Variants in HSPA12A observed in about 807,000 individuals in gnomAD.
The protein encoded by HSPA12A is heat shock 70 kDa protein 12A.
In HSPA12A, 28 loss-of-function variants were observed where a neutral mutation model predicts 69.2. The ratio of observed to expected loss-of-function variants is 0.40; its 90% confidence interval spans 0.30 to 0.55. HSPA12A has a LOEUF of 0.55. Ranked by LOEUF, HSPA12A falls within the 20% of genes least tolerant of loss-of-function variation. The pLI is 0.38. For missense variants in HSPA12A, 686 were observed against 900.7 expected (o/e 0.76, Z 3.05); for synonymous variants, 345 against 370.5 (o/e 0.93, Z 0.79).
intron 1 of HSPA12A, among the ~76,000 whole-genome samples, chr10:116,714,584 C>T (rs1487388008): frequency 4.6e-5 from 7 of 152,208 alleles, no homozygotes; most frequent in Non-Finnish European, 8.8e-5. Context: ...GCAGTTAAAG[C>T]CATGACTGCA....
At chr10:116,776,034 C>T (rs924226978) in intron 2 of HSPA12A, among the ~76,000 whole-genome samples, 1 of 152,180 alleles carries the variant, frequency 6.6e-6, no homozygotes, top group African/African-American at 2.4e-5. Context: ...CCCCTCTGGC[C>T]TCCAGTTAAG....
chr10:116,681,028 C>T (rs899528770), intron 9 of HSPA12A, 124 bp downstream of exon 9: 20 of 658,054 alleles, frequency 3.0e-5, no homozygotes, highest in Admixed American at 1.2e-4. Context: ...TATCCTCCAC[C>T]GCCTACGATC....
intron 1 of HSPA12A, among the ~76,000 whole-genome samples, chr10:116,844,885 C>G (rs779231940): frequency 6.6e-6 from 1 of 152,210 alleles, no homozygotes; most frequent in Non-Finnish European, 1.5e-5. Flanking sequence ...TCTTTATTCA[C>G]ATTCATTTAG....
intron 2 of HSPA12A, among the ~76,000 whole-genome samples, chr10:116,763,143 A>G (rs1844007988): frequency 6.6e-6 from 1 of 152,150 alleles, no homozygotes; most frequent in African/African-American, 2.4e-5. Context: ...TGATGGTGAC[A>G]GAGCTGACAG....
chr10:116,716,604 G>C (rs1185914420), intron 1 of HSPA12A, among the ~76,000 whole-genome samples: 1 of 152,230 alleles, frequency 6.6e-6, no homozygotes, highest in African/African-American at 2.4e-5. Flanking sequence ...TGCAGGCCAA[G>C]GGGCATGTCT....
intron 1 of HSPA12A, among the ~76,000 whole-genome samples, chr10:116,726,888 G>A (rs191154010): frequency 1.3e-5 from 2 of 152,262 alleles, no homozygotes; most frequent in East Asian, 1.9e-4. Context: ...ACTAACTAAC[G>A]TGCCGATGAC....
chr10:116,742,012 G>GGGCCACCC (rs556173930), intron 1 of HSPA12A, among the ~76,000 whole-genome samples: 75 of 152,256 alleles, frequency 4.9e-4, no homozygotes, highest in African/African-American at 1.7e-3. Context: ...TTACCCGCTG[G>GGGCCACCC]GGCCACCCGG....
At chr10:116,769,604 C>T (rs1460656543) in intron 2 of HSPA12A, among the ~76,000 whole-genome samples, 2 of 152,204 alleles carry the variant, frequency 1.3e-5, no homozygotes, top group African/African-American at 4.8e-5. Context: ...CGGCCCAGGG[C>T]AGCTGCAGGA....
chr10:116,838,932 T>G (rs1845761084), intron 1 of HSPA12A, among the ~76,000 whole-genome samples: 1 of 152,228 alleles, frequency 6.6e-6, no homozygotes. Flanking sequence ...CCACACACAT[T>G]TCAACCTGAG....
chr10:116,683,167 G>A (rs983170564), intron 7 of HSPA12A, among the ~76,000 whole-genome samples: 1 of 151,872 alleles, frequency 6.6e-6, no homozygotes, highest in African/African-American at 2.4e-5. Context: ...TATAGCCCTC[G>A]ACACACCCAC....
intron 2 of HSPA12A, among the ~76,000 whole-genome samples, chr10:116,772,662 T>C (rs1290756221): frequency 2.0e-5 from 3 of 152,054 alleles, no homozygotes; most frequent in African/African-American, 7.2e-5. Context: ...TTTCTTTTCC[T>C]TTCTATCTTT....
rs55995835 is a variant in HSPA12A, at chr10:116,713,083, TA to T, written c.41-5799del. ...AACGATTGCCTAAAATCAGGCTATT[TA>T]AAAAAAAAAAACCTCTCTCTCTTTC... On this transcript the variant is annotated intron_variant, in intron 1 of 11. Coordinates refer to ENST00000369209, the MANE Select transcript of HSPA12A (RefSeq NM_025015.3). 2.3e-3 allele frequency among the ~76,000 whole-genome samples: 313 copies of T among 136,140 alleles called. 3 individuals carry two copies. The highest frequency in any genetic ancestry group is 2.5e-3 in the African/African-American group (89 of 36,194). 89.3% of individuals were successfully genotyped at this position (136,140 alleles called of 152,430 possible).
chr10:116,726,189 C>T (rs1238677850), intron 1 of HSPA12A, among the ~76,000 whole-genome samples: 4 of 152,040 alleles, frequency 2.6e-5, no homozygotes, highest in Admixed American at 6.6e-5. Context: ...ATCTCACTAC[C>T]GAATATTTAC....
intron 2 of HSPA12A, among the ~76,000 whole-genome samples, chr10:116,764,564 A>G (rs1242030303): frequency 6.6e-6 from 1 of 152,216 alleles, no homozygotes; most frequent in African/African-American, 2.4e-5. Flanking sequence ...TTTTGCAAAA[A>G]CAAACACAAC....
chr10:116,691,164 C>G (rs1258305044), intron 6 of HSPA12A, among the ~76,000 whole-genome samples: 1 of 152,162 alleles, frequency 6.6e-6, no homozygotes, highest in African/African-American at 2.4e-5. Flanking sequence ...ATACACTGAG[C>G]CAGATTCTCA....
rs1554876796 is a variant in HSPA12A at position 116,672,027 on chromosome 10, C to A, written c.*2754G>T. On this transcript the variant is annotated 3_prime_UTR_variant, in exon 12 of 12. Transcript: ENST00000369209. ...CTCCATCACCTATCTGCCAACACTG[C>A]AGATTTCTATCTGCTCATTTAAGAG... 1 of 152,212 alleles carries A rather than the reference C, an allele frequency of 6.6e-6. No individual in the cohort carries two copies. Among genetic ancestry groups the A allele is most frequent in the African/African-American group, 2.4e-5 (1 of 41,442 alleles). 9.4% of individuals were successfully genotyped at this position (152,212 alleles called of 1,614,324 possible).
At chr10:116,837,742 C>G (rs1175340883) in intron 1 of HSPA12A, among the ~76,000 whole-genome samples, 3 of 151,574 alleles carry the variant, frequency 2.0e-5, no homozygotes, top group Non-Finnish European at 4.4e-5. Flanking sequence ...CCAAAATATA[C>G]TGTATATAAT....
chr10:116,737,575 T>C (rs1851353034), intron 1 of HSPA12A, among the ~76,000 whole-genome samples: 1 of 152,160 alleles, frequency 6.6e-6, no homozygotes, highest in African/African-American at 2.4e-5. Flanking sequence ...AAAGATATCA[T>C]TATTACTAAT....
At chr10:116,744,492 C>T (rs527790267), upstream of HSPA12A, among the ~76,000 whole-genome samples, 1 of 152,226 alleles carries the variant, frequency 6.6e-6, no homozygotes, top group African/African-American at 2.4e-5. Context: ...TTGGGCGCCA[C>T]GTGCCCTCAT....
Sources: allele counts gnomAD v4.1 joint callset (sites outside exome capture counted in the v4.1 genomes callset), GRCh38; gene constraint gnomAD v4.1.1; transcripts MANE v1.5; gene names NCBI Gene and HGNC (gene_info 2026-07-23, HGNC 2026-07-21).